DENND2B: variants seen among roughly 807,000 people sequenced by gnomAD.
DENND2B encodes the protein DENN domain containing 2B, also known as DENN domain-containing protein 2B.
Under a neutral mutation model 116.0 loss-of-function variants are expected in DENND2B, and 32 were observed. That is an observed-to-expected ratio of 0.28 (90% CI 0.21 to 0.37). The LOEUF (loss-of-function observed/expected upper bound fraction) is 0.37, where lower values mean the gene tolerates loss of function less well. Ranked by LOEUF, DENND2B falls within the 10% of genes least tolerant of loss-of-function variation. The pLI, the probability that DENND2B is intolerant of heterozygous loss-of-function variation, is 1.00. For synonymous variants in DENND2B, 588 were observed against 583.9 expected (o/e 1.01, Z -0.10); for missense variants, 1,276 against 1,477.7 (o/e 0.86, Z 2.24).
chr11:8,844,510 G>T (rs2062737087), intron 3 of DENND2B, among the ~76,000 whole-genome samples: 1 of 126,234 alleles, frequency 7.9e-6, no homozygotes, highest in African/African-American at 2.9e-5. Flanking sequence ...TGCCATAGTG[G>T]ATCATCTATT....
At chr11:8,719,366 A>G (rs1210854780) in intron 4 of DENND2B, among the ~76,000 whole-genome samples, 2 of 152,188 alleles carry the variant, frequency 1.3e-5, no homozygotes, top group African/African-American at 2.4e-5. Context: ...TGACAGCTAA[A>G]TAGACTGCAG....
chr11:8,716,864 A>G (rs1156832902), intron 5 of DENND2B, among the ~76,000 whole-genome samples: 2 of 152,044 alleles, frequency 1.3e-5, no homozygotes, highest in East Asian at 3.9e-4. Context: ...GCTGGTCTTG[A>G]ACTCCTGACC....
chr11:8,864,625 A>T (rs2063516414), intron 2 of DENND2B, among the ~76,000 whole-genome samples: 1 of 152,192 alleles, frequency 6.6e-6, no homozygotes, highest in Non-Finnish European at 1.5e-5. Context: ...CCTAACATTA[A>T]GCATATTCAC....
Position 8,730,496 on chromosome 11 carries a change from G to A in DENND2B, c.794C>T (p.Pro265Leu), listed in dbSNP as rs565989677. The change falls in exon 3 of 20, where the codon CCC becomes CTC. Residue 265 changes from proline to leucine, a missense_variant. Pro to Leu is a moderately conservative substitution (Grantham distance 98, BLOSUM62 -3). Coordinates refer to ENST00000313726, the MANE Select transcript of DENND2B (RefSeq NM_213618.2). This position sits in a 1 kb window ranked among gnomAD's most constrained non-coding sequence, Gnocchi z 4.1. ...GCCATGCCCCCTGAGGAAGGCGCTG[G>A]GCTCACTCCGGCCCAGCCGTTTCTC... ...RLEKRLGRSE[P>L]SAFLRGHGSR... 1 of 1,612,436 alleles carries A rather than the reference G, an allele frequency of 6.2e-7. No homozygotes were observed. The highest frequency in any genetic ancestry group is 2.2e-5 in the East Asian group (1 of 44,860).
At chr11:8,733,312 A>G (rs1323862820) in intron 2 of DENND2B, among the ~76,000 whole-genome samples, 2 of 152,226 alleles carry the variant, frequency 1.3e-5, no homozygotes, top group Non-Finnish European at 2.9e-5. Flanking sequence ...TCATCAGTCT[A>G]GCCCCTAAGT....
chr11:8,754,025 G>GCACACACACA (rs58878035), intron 1 of DENND2B, among the ~76,000 whole-genome samples: 12 of 8,072 alleles, frequency 1.5e-3, no homozygotes, highest in Admixed American at 3.1e-3. Flanking sequence ...AACACCAAAA[G>GCACACACACA]CGCGCACACA....
Position 8,699,250 on chromosome 11 carries a change from C to G in DENND2B, c.2861G>C (p.Ser954Thr), listed in dbSNP as rs1364105607. 3.1e-6 allele frequency: 5 copies of G among 1,589,102 alleles called. No homozygotes were observed. Among genetic ancestry groups the G allele is most frequent in the African/African-American group, 1.4e-5 (1 of 73,098 alleles). Reference protein sequence around the residue: ...PTPFLVGLLSSSLPKLKELPV... With the variant: ...PTPFLVGLLSTSLPKLKELPV... ...CAGCTCCTTCAGTTTGGGGAGGGAG[C>G]TGGAGAGCAGGCCAACCAGGAAGGG... Residue 954 changes from serine to threonine, a missense_variant, in exon 15 of 20, where the codon AGC (serine) becomes ACC (threonine). This residue lies in a region of DENND2B where 420 missense variants were observed against 631.1 expected (regional missense o/e 0.67). Coordinates refer to ENST00000313726, the MANE Select transcript of DENND2B (RefSeq NM_213618.2).
At chr11:8,800,675 T>C (rs2060235610) in intron 1 of DENND2B, among the ~76,000 whole-genome samples, 1 of 152,214 alleles carries the variant, frequency 6.6e-6, no homozygotes, top group Admixed American at 6.5e-5. Flanking sequence ...TGATATGACC[T>C]TTCCAGGCTG....
At chr11:8,715,507 G>C (rs2044580746) in intron 6 of DENND2B, 96 bp downstream of exon 6, 7 of 1,315,174 alleles carry the variant, frequency 5.3e-6, no homozygotes, top group Middle Eastern at 1.8e-4. Flanking sequence ...AAGCAGTCCA[G>C]ATTAGGGAAG....
In DENND2B at chr11:8,714,498, A is replaced by G. The variant is rs985376583; in HGVS notation, c.1942+112T>C. On this transcript the variant is annotated intron_variant, in intron 7 of 19. Coordinates refer to ENST00000313726, the MANE Select transcript of DENND2B (RefSeq NM_213618.2). ...TCTTCCCTGTCTGCTCCTCCCTCCT[A>G]CGTGGCCATTTCCTGGCAGGGCTCT... 97 of 868,344 alleles carry G rather than the reference A, an allele frequency of 1.1e-4. 1 individual carries two copies. The East Asian group carries it at 2.2e-3, about 20-fold the overall frequency. 53.8% of individuals were successfully genotyped at this position (868,344 alleles called of 1,614,324 possible).
intron 3 of DENND2B, among the ~76,000 whole-genome samples, chr11:8,855,526 A>G (rs901891891): frequency 1.3e-4 from 19 of 151,854 alleles, no homozygotes; most frequent in African/African-American, 4.3e-4. Flanking sequence ...GCATCCCCAC[A>G]GTGAGCCAAC....
At chr11:8,857,271 A>G (rs933699997) in intron 3 of DENND2B, 1 of 152,210 alleles carries the variant, frequency 6.6e-6, no homozygotes, top group Non-Finnish European at 1.5e-5. Flanking sequence ...CATCTTCTCC[A>G]AAAACCACCA....
chr11:8,693,951 TATG>T lies in DENND2B; in HGVS notation c.*142_*144del. 2.8e-6 allele frequency: 2 copies of T among 726,792 alleles called. No homozygotes were observed. The highest frequency in any genetic ancestry group is 4.6e-6 in the Non-Finnish European group (2 of 432,934). 45.0% of individuals were successfully genotyped at this position (726,792 alleles called of 1,614,324 possible). A position where few individuals can be genotyped will look rare whatever the true frequency, so the allele number is the denominator to read the frequency against. On this transcript the variant is annotated 3_prime_UTR_variant, in exon 20 of 20. Coordinates refer to ENST00000313726, the MANE Select transcript of DENND2B (RefSeq NM_213618.2). ...ATTATTTACAAACAGTATCCTGGGA[TATG>T]ATGAAGGCAGAGGTGGGCTGGCTTG...
In DENND2B at chr11:8,771,529, C is replaced by CAGAGAGAGAGAGAG. The variant is rs66471685; in HGVS notation, c.-25-20818_-25-20805dup. 386 of 107,396 alleles carry CAGAGAGAGAGAGAG rather than the reference C, an allele frequency of 3.6e-3. 21 individuals carry two copies. Among genetic ancestry groups the CAGAGAGAGAGAGAG allele is most frequent in the African/African-American group, 0.012 (273 of 22,772 alleles). The allele number at this position is 107,396 out of a possible 1,614,324, so 6.7% of individuals were successfully genotyped here. A position where few individuals can be genotyped will look rare whatever the true frequency, so the allele number is the denominator to read the frequency against. On this transcript the variant is annotated intron_variant, in intron 1 of 19. Coordinates refer to ENST00000313726, the MANE Select transcript of DENND2B (RefSeq NM_213618.2). ...GAATATATATATGTGTATATATATACAGAGAGAGAGAGAGAGAGAGAGAGA... is the reference window on the plus strand; with the variant it reads ...GAATATATATATGTGTATATATATACAGAGAGAGAGAGAGAGAGAGAGAGAGAGAGAGAGAGAGA...
intron 1 of DENND2B, among the ~76,000 whole-genome samples, chr11:8,905,892 T>A (rs1397263038): frequency 6.6e-6 from 1 of 151,734 alleles, no homozygotes; most frequent in Non-Finnish European, 1.5e-5. Flanking sequence ...CTCAAAAACA[T>A]TATGCTAATT....
upstream of DENND2B, chr11:8,811,585 A>G (rs376530898): frequency 1.1e-5 from 4 of 363,342 alleles, no homozygotes; most frequent in East Asian, 1.2e-4. Context: ...CCCCATCCCC[A>G]TCCTGTCCCT....
chr11:8,781,908 T>C (rs559687156), intron 1 of DENND2B, among the ~76,000 whole-genome samples: 4 of 152,124 alleles, frequency 2.6e-5, no homozygotes, highest in Admixed American at 2.0e-4. Context: ...GACTGGAAAA[T>C]ACTGAGAAGC....
At chr11:8,749,789 C>T (rs1036007928) in intron 2 of DENND2B, among the ~76,000 whole-genome samples, 1 of 152,124 alleles carries the variant, frequency 6.6e-6, no homozygotes, top group Non-Finnish European at 1.5e-5. Context: ...AATTTGTCCA[C>T]CTGACATTCA....
chr11:8,796,344 C>T (rs1364528601), intron 1 of DENND2B, among the ~76,000 whole-genome samples: 2 of 152,130 alleles, frequency 1.3e-5, no homozygotes, highest in Non-Finnish European at 2.9e-5. Flanking sequence ...GAGTTCAAGA[C>T]CAGCCTGGCC....
Sources: gnomAD v4.1 joint callset for allele counts (sites outside exome capture counted in the v4.1 genomes callset) on GRCh38, gnomAD v4.1.1 for gene constraint, gnomAD v4.1.1 regional missense constraint, Gnocchi (gnomAD v3.1) non-coding constraint, MANE v1.5 for transcripts, NCBI Gene and HGNC (gene_info 2026-07-23, HGNC 2026-07-21) for gene names.